The following KAZN variants were observed in gnomAD, a reference collection of about 807,000 sequenced individuals.
KAZN encodes kazrin.
In KAZN, 40 loss-of-function variants were observed where a neutral mutation model predicts 87.4. The observed-to-expected ratio is 0.46, with a 90% CI of 0.36 to 0.60. KAZN has a LOEUF of 0.60. Ranked by LOEUF, KAZN falls within the 20% of genes least tolerant of loss-of-function variation. The pLI, the probability that KAZN is intolerant of heterozygous loss-of-function variation, is 0.00. For missense variants in KAZN, 898 were observed against 1,073.9 expected, an observed-to-expected ratio of 0.84 and a Z score of 2.29; for synonymous variants, 466 against 458.3, an observed-to-expected ratio of 1.02 and a Z score of -0.22.
At chr1:14,946,587 G>A (rs577291725) in intron 1 of KAZN, among the ~76,000 whole-genome samples, 35 of 152,182 alleles carry the variant, frequency 2.3e-4, no homozygotes, top group Middle Eastern at 3.4e-3. Context: ...TAGAAAGCAC[G>A]CGTCTGTTCA....
chr1:14,311,228 C>A (rs1171954853), intron 2 of KAZN, among the ~76,000 whole-genome samples: 1 of 152,150 alleles, frequency 6.6e-6, no homozygotes, highest in Non-Finnish European at 1.5e-5. Context: ...TCAGATAGAT[C>A]TGGATCTGAG....
At chr1:14,576,020 A>G (rs974750239) in intron 2 of KAZN, among the ~76,000 whole-genome samples, 10 of 152,132 alleles carry the variant, frequency 6.6e-5, no homozygotes, top group Non-Finnish European at 1.3e-4. Flanking sequence ...GACAATTCCG[A>G]TTCTTACCCA....
At chr1:14,238,632 G>A (rs926406956) in intron 2 of KAZN, among the ~76,000 whole-genome samples, 11 of 152,256 alleles carry the variant, frequency 7.2e-5, no homozygotes, top group African/African-American at 1.9e-4. Context: ...CCCATGAGAG[G>A]CCAGACATCT....
At chr1:13,942,471 C>T (rs562036121) in intron 1 of KAZN, among the ~76,000 whole-genome samples, 312 of 135,578 alleles carry the variant, frequency 2.3e-3, no homozygotes, top group South Asian at 9.0e-3. Context: ...ACCCGGGAAG[C>T]GGAGCTTGCA....
intron 1 of KAZN, among the ~76,000 whole-genome samples, chr1:14,821,849 C>T (rs1172254656): frequency 6.6e-6 from 1 of 152,270 alleles, no homozygotes; most frequent in African/African-American, 2.4e-5. Flanking sequence ...AATATTGAGG[C>T]CCATGGAGGG....
chr1:14,643,912 A>T (rs1425164265), intron 1 of KAZN, among the ~76,000 whole-genome samples: 1 of 151,374 alleles, frequency 6.6e-6, no homozygotes, highest in Non-Finnish European at 1.5e-5. Context: ...CATTTCTCTA[A>T]TGCTCAGTGA....
chr1:13,978,495 AATAT>A (rs144800375), intron 1 of KAZN, among the ~76,000 whole-genome samples: 3 of 147,556 alleles, frequency 2.0e-5, no homozygotes, highest in South Asian at 2.1e-4. Flanking sequence ...TATAGAGATA[AATAT>A]ATATATATAT....
chr1:14,643,480 G>GT (rs1680560591), intron 1 of KAZN, among the ~76,000 whole-genome samples: 1 of 152,146 alleles, frequency 6.6e-6, no homozygotes, highest in Admixed American at 6.5e-5. Flanking sequence ...CTCTATCTAT[G>GT]TTCCTGCAAA....
At chr1:14,045,747 G>T (rs1642043071) in intron 1 of KAZN, among the ~76,000 whole-genome samples, 1 of 152,146 alleles carries the variant, frequency 6.6e-6, no homozygotes, top group Admixed American at 6.5e-5. Flanking sequence ...TCTGTAAAAT[G>T]GGATTAATAA....
intron 2 of KAZN, among the ~76,000 whole-genome samples, chr1:14,308,228 C>A (rs1655059702): frequency 6.6e-6 from 1 of 152,000 alleles, no homozygotes; most frequent in African/African-American, 2.4e-5. Context: ...ATTATTAGGA[C>A]AATTGATGAA....
At chr1:14,723,530 G>T (rs777622256) in intron 1 of KAZN, among the ~76,000 whole-genome samples, 6 of 152,212 alleles carry the variant, frequency 3.9e-5, no homozygotes, top group Non-Finnish European at 8.8e-5. Context: ...TGCCTCTATG[G>T]CCACGATGGG....
Position 14,959,298 on chromosome 1 carries a change from A to G in KAZN, c.227-1386A>G, listed in dbSNP as rs890530072. ...ATGTGGAGTAGACGCTTGTGTCACA[A>G]TGAGGAGGCAGCCACAGGAAGAACC... On this transcript the variant is annotated intron_variant, in intron 1 of 14. Transcript: ENST00000376030. 4.6e-5 allele frequency among the ~76,000 whole-genome samples: 7 copies of G among 152,334 alleles called. No individual in the cohort carries two copies. The East Asian group carries it at 1.4e-3, about 29-fold the overall frequency.
At chr1:14,612,221 A>C (rs944085084) in intron 1 of KAZN, among the ~76,000 whole-genome samples, 4 of 152,164 alleles carry the variant, frequency 2.6e-5, no homozygotes, top group African/African-American at 9.7e-5. Flanking sequence ...TGGTTAATGG[A>C]CAGGAGAGGA....
rs148466116 is a variant in KAZN, at chr1:14,868,944, A to T, written c.227-91740A>T. ...GTTGGCGGGGGGGTGCATCTGTTCT[A>T]CTCGGTGATTTTTCCCTTGTTGATC... On this transcript the variant is annotated intron_variant, in intron 1 of 14. Transcript: ENST00000376030. Among the ~76,000 whole-genome samples, 826 of 152,108 alleles carry T rather than the reference A, an allele frequency of 5.4e-3. 2 individuals carry two copies. The highest frequency in any genetic ancestry group is 0.017 in the Middle Eastern group (5 of 294).
At chr1:14,806,935 A>G (rs1183616089) in intron 1 of KAZN, among the ~76,000 whole-genome samples, 1 of 152,226 alleles carries the variant, frequency 6.6e-6, no homozygotes, top group Non-Finnish European at 1.5e-5. Flanking sequence ...TGCAGAGACC[A>G]GAAAGCTGGA....
intron 1 of KAZN, among the ~76,000 whole-genome samples, chr1:14,164,580 GC>G (rs1164766416): frequency 1.1e-5 from 1 of 93,082 alleles, no homozygotes; most frequent in Non-Finnish European, 2.0e-5. Context: ...TGCTCTTGTT[GC>G]CCAGACTGGA....
chr1:14,402,421 A>C (rs888738018), intron 2 of KAZN, among the ~76,000 whole-genome samples: 1 of 152,166 alleles, frequency 6.6e-6, no homozygotes, highest in African/African-American at 2.4e-5. Context: ...TAAAAATAAC[A>C]AAAGCCTTGC....
At chr1:14,654,631 A>G (rs1420110536) in intron 1 of KAZN, among the ~76,000 whole-genome samples, 1 of 152,196 alleles carries the variant, frequency 6.6e-6, no homozygotes, top group Non-Finnish European at 1.5e-5. Context: ...TGTTCACCCC[A>G]GGATGGGCAT....
chr1:14,293,645 A>G (rs556242077), intron 2 of KAZN, among the ~76,000 whole-genome samples: 2 of 151,874 alleles, frequency 1.3e-5, no homozygotes, highest in East Asian at 1.9e-4. Flanking sequence ...AGCATGTTAG[A>G]TGTGTCCAGA....
Sources: allele counts gnomAD v4.1 joint callset (sites outside exome capture counted in the v4.1 genomes callset), GRCh38; gene constraint gnomAD v4.1.1; transcripts MANE v1.5; gene names NCBI Gene and HGNC (gene_info 2026-07-23, HGNC 2026-07-21).